DLGAP2: variants seen among roughly 807,000 people sequenced by gnomAD.
The protein encoded by DLGAP2 is disks large-associated protein 2.
Under a neutral mutation model 100.3 loss-of-function variants are expected in DLGAP2, and 26 were observed. The ratio of observed to expected loss-of-function variants is 0.26; its 90% CI spans 0.19 to 0.36. The LOEUF (loss-of-function observed/expected upper bound fraction) is 0.36. Among genes scored for constraint, DLGAP2 ranks in the 10% least tolerant of loss-of-function variants. The pLI, the probability that DLGAP2 is intolerant of heterozygous loss-of-function variation, is 1.00. For synonymous variants in DLGAP2, 886 were observed against 630.1 expected (o/e 1.41, Z -6.08); for missense variants, 1,858 against 1,453.2 (o/e 1.28, Z -4.53).
chr8:1,263,061 A>C (rs1228692746), intron 3 of DLGAP2, among the ~76,000 whole-genome samples: 1 of 152,212 alleles, frequency 6.6e-6, no homozygotes, highest in Non-Finnish European at 1.5e-5. Context: ...TGCCCCCATT[A>C]AATCTAAGAA....
chr8:1,258,440 G>T (rs1046548448), intron 2 of DLGAP2, among the ~76,000 whole-genome samples: 1 of 151,854 alleles, frequency 6.6e-6, no homozygotes, highest in Non-Finnish European at 1.5e-5. Flanking sequence ...TCGGTGGGTG[G>T]GGGGGAAGAG....
chr8:1,199,437 T>C (rs1797822224), intron 2 of DLGAP2, among the ~76,000 whole-genome samples: 1 of 152,138 alleles, frequency 6.6e-6, no homozygotes, highest in African/African-American at 2.4e-5. Flanking sequence ...TTAGTGGACA[T>C]GTTAAAATGT....
chr8:1,300,352 G>A (rs1188918151), intron 3 of DLGAP2: 1 of 152,210 alleles, frequency 6.6e-6, no homozygotes, highest in Non-Finnish European at 1.5e-5. Flanking sequence ...AGGGGCCCTG[G>A]ACTGGATTTT....
At chr8:1,310,970 A>G (rs1224684794) in intron 3 of DLGAP2, among the ~76,000 whole-genome samples, 2 of 152,230 alleles carry the variant, frequency 1.3e-5, no homozygotes, top group African/African-American at 4.8e-5. Context: ...AAATTCAAAA[A>G]ATAGAGTATC....
At chr8:1,356,893 G>A (rs1434247621) in intron 3 of DLGAP2, among the ~76,000 whole-genome samples, 4 of 152,338 alleles carry the variant, frequency 2.6e-5, no homozygotes, top group South Asian at 2.1e-4. Context: ...TCTTCAGGGT[G>A]TGCCCTTGTG....
At position 1,253,363 on chromosome 8, in the gene DLGAP2, G is replaced by A. The variant is rs528221447; in HGVS notation, c.74-5488G>A. Among the ~76,000 whole-genome samples, 893 of 152,264 alleles carry A rather than the reference G, an allele frequency of 5.9e-3. 5 individuals carry two copies. Among genetic ancestry groups the A allele is most frequent in the Admixed American group, 8.3e-3 (127 of 15,294 alleles). On this transcript the variant is annotated intron_variant, in intron 2 of 14. Coordinates refer to ENST00000637795, the MANE Select transcript of DLGAP2 (RefSeq NM_001346810.2). ...CGGCTGCTACTGCGCACCCCTCCCC[G>A]GGTTGGTGTCAGGAGGGAGGGCGGG... is the stretch of plus-strand genomic sequence containing the variant.
chr8:1,348,628 A>G (rs895479190), intron 3 of DLGAP2, among the ~76,000 whole-genome samples: 1 of 152,140 alleles, frequency 6.6e-6, no homozygotes, highest in Non-Finnish European at 1.5e-5. Context: ...GTGGAGGTTG[A>G]GTTCCCACAC....
chr8:1,206,241 C>T (rs1403144141), intron 2 of DLGAP2, among the ~76,000 whole-genome samples: 3 of 152,256 alleles, frequency 2.0e-5, no homozygotes, highest in Admixed American at 6.5e-5. Flanking sequence ...CTTGGCCACG[C>T]ACCACTGGGC....
At chr8:1,617,549 T>C (rs899717789) in intron 6 of DLGAP2, among the ~76,000 whole-genome samples, 10 of 152,220 alleles carry the variant, frequency 6.6e-5, no homozygotes, top group Non-Finnish European at 1.3e-4. Flanking sequence ...CTGTTCATGT[T>C]CTTTGCCCAC....
intron 4 of DLGAP2, among the ~76,000 whole-genome samples, chr8:1,511,798 A>G (rs1039678571): frequency 2.0e-5 from 3 of 150,480 alleles, no homozygotes; most frequent in African/African-American, 7.3e-5. Flanking sequence ...GTAGATGACC[A>G]TCTTCCATAG....
rs138593584 is a variant in DLGAP2, at chr8:1,085,247, A to G, written c.74-173604A>G. ...TCTATAGAGTTGTTTGAGTTCTTAC[A>G]TATTTTGGATATTAATCCCTTATCA... On this transcript the variant is annotated intron_variant, in intron 2 of 14. Transcript: ENST00000637795. 1.2e-4 allele frequency among the ~76,000 whole-genome samples: 19 copies of G among 152,262 alleles called. No homozygotes were observed. In the East Asian group the frequency reaches 3.5e-3, roughly 28 times the overall value.
intron 1 of DLGAP2, among the ~76,000 whole-genome samples, chr8:889,937 G>A (rs1798000096): frequency 6.6e-6 from 1 of 152,162 alleles, no homozygotes; most frequent in African/African-American, 2.4e-5. Flanking sequence ...GGTTTTGTGG[G>A]AAAAGCAAAG....
intron 2 of DLGAP2, among the ~76,000 whole-genome samples, chr8:1,178,563 T>C (rs566251270): frequency 1.3e-5 from 2 of 152,322 alleles, no homozygotes; most frequent in East Asian, 3.9e-4. Flanking sequence ...GGCACCTTTT[T>C]AGGCAAAGTT....
chr8:1,258,045 C>G (rs541156249), intron 2 of DLGAP2, among the ~76,000 whole-genome samples: 1 of 152,352 alleles, frequency 6.6e-6, no homozygotes, highest in East Asian at 1.9e-4. Flanking sequence ...CTGTAAATGC[C>G]GTGCTCCCAA....
chr8:1,242,676 C>T (rs534142794), intron 2 of DLGAP2, among the ~76,000 whole-genome samples: 2 of 152,292 alleles, frequency 1.3e-5, no homozygotes, highest in South Asian at 4.1e-4. Flanking sequence ...ATGCCCTCTC[C>T]TCCTTAATGG....
At chr8:1,294,138 C>G (rs1248311851) in intron 3 of DLGAP2, among the ~76,000 whole-genome samples, 1 of 152,114 alleles carries the variant, frequency 6.6e-6, no homozygotes, top group East Asian at 1.9e-4. Context: ...CACATCACCT[C>G]CCGAAACTGT....
intron 3 of DLGAP2, among the ~76,000 whole-genome samples, chr8:1,415,860 T>G (rs1327671518): frequency 6.6e-6 from 1 of 152,228 alleles, no homozygotes; most frequent in Non-Finnish European, 1.5e-5. Flanking sequence ...CTGATTTAAG[T>G]TCTTTGAGAA....
At chr8:1,263,963 G>A (rs1331606830) in intron 3 of DLGAP2, among the ~76,000 whole-genome samples, 1 of 152,178 alleles carries the variant, frequency 6.6e-6, no homozygotes, top group African/African-American at 2.4e-5. Flanking sequence ...GCTCTAGCCA[G>A]TCTGTCTTCT....
At chr8:924,132 T>C (rs1798767734) in intron 2 of DLGAP2, among the ~76,000 whole-genome samples, 1 of 152,098 alleles carries the variant, frequency 6.6e-6, no homozygotes. Flanking sequence ...ATGTCTCTGG[T>C]TTTCAGTTTC....
Sources: allele counts gnomAD v4.1 joint callset (sites outside exome capture counted in the v4.1 genomes callset), GRCh38; gene constraint gnomAD v4.1.1; transcripts MANE v1.5; gene names NCBI Gene and HGNC (gene_info 2026-07-23, HGNC 2026-07-21).